LGR5: variants seen among roughly 807,000 people sequenced by gnomAD.
The protein encoded by LGR5 is leucine rich repeat containing G protein-coupled receptor 5.
A neutral mutation model predicts 76.7 loss-of-function variants in LGR5; 54 were observed. The ratio of observed to expected loss-of-function variants is 0.70; its 90% CI spans 0.57 to 0.88. The LOEUF is 0.88. Among genes scored for constraint, LGR5 ranks in the 40% least tolerant of loss-of-function variants. LGR5 has a pLI of 0.00. For missense variants in LGR5, 1,078 were observed against 1,073.3 expected (o/e 1.00, Z -0.06); for synonymous variants, 406 against 421.9 (o/e 0.96, Z 0.46).
In LGR5 at chr12:71,451,493, T is replaced by C. The variant is rs1361293021; in HGVS notation, c.212+11201T>C. Among the ~76,000 whole-genome samples the C allele has an allele frequency of 2.0e-5, 3 of 152,162 alleles. No individual in the cohort carries two copies. In the East Asian group the frequency reaches 5.8e-4, roughly 29 times the overall value. ...TCACATGTGTTGCCATCTGCTGGGA[T>C]TGCCTTTCTTCTTTTGCTAACCTCT... On this transcript the variant is annotated intron_variant, in intron 1 of 17. Transcript: ENST00000266674.
At chr12:71,552,424 G>A (rs929702596) in intron 4 of LGR5, among the ~76,000 whole-genome samples, 2 of 152,000 alleles carry the variant, frequency 1.3e-5, no homozygotes, top group African/African-American at 4.8e-5. Context: ...AATTAGCCAG[G>A]TGTGGTGGCA....
At chr12:71,487,640 T>G (rs1296284862) in intron 1 of LGR5, among the ~76,000 whole-genome samples, 1 of 152,200 alleles carries the variant, frequency 6.6e-6, no homozygotes, top group Middle Eastern at 3.2e-3. Flanking sequence ...CTCTAACTCC[T>G]GGCCTCAAGC....
chr12:71,566,047 T>C (rs1878324677), intron 8 of LGR5, among the ~76,000 whole-genome samples: 1 of 152,294 alleles, frequency 6.6e-6, no homozygotes, highest in East Asian at 1.9e-4. Flanking sequence ...AATGATCTGA[T>C]TGCCAGTACT....
chr12:71,459,566 A>G (rs778000448), intron 1 of LGR5, among the ~76,000 whole-genome samples: 11 of 152,002 alleles, frequency 7.2e-5, no homozygotes, highest in Non-Finnish European at 1.3e-4. Context: ...CAACTATTCA[A>G]CTGATATTTG....
Position 71,584,057 on chromosome 12 carries a change from GT to G in LGR5, c.2048del (p.Val683GlufsTer11), listed in dbSNP as rs1309099414. On this transcript the variant is annotated frameshift_variant, in exon 18 of 18. Transcript: ENST00000266674. LOFTEE classifies it low-confidence loss of function (END_TRUNC). Reference protein sequence around the residue: ...ETKAPFSSLKVIILLCALLAL... With the variant: ...ETKAPFSSLKXIILLCALLAL... ...GAAAGCTCCATTTTCTAGCCTGAAA[GT>G]AATCATTTTGCTCTGTGCCCTGCTG... 6.2e-7 allele frequency: 1 copy of G among 1,614,124 alleles called. No individual in the cohort carries two copies. Among genetic ancestry groups the G allele is most frequent in the Non-Finnish European group, 8.5e-7 (1 of 1,180,054 alleles).
At chr12:71,568,979 G>A (rs1878476100) in intron 11 of LGR5, among the ~76,000 whole-genome samples, 1 of 152,146 alleles carries the variant, frequency 6.6e-6, no homozygotes. Context: ...CCCTCATAAG[G>A]TAGCCACAGG....
intron 4 of LGR5, 29 bp downstream of exon 4, chr12:71,535,215 T>C: frequency 7.1e-7 from 1 of 1,415,834 alleles, no homozygotes; most frequent in Non-Finnish European, 1.0e-6. Context: ...GCAAAATATA[T>C]TTAAGATCAA....
intron 3 of LGR5, 93 bp downstream of exon 3, chr12:71,524,570 A>G (rs983926602): frequency 1.0e-5 from 8 of 769,884 alleles, no homozygotes; most frequent in Admixed American, 2.2e-5. Context: ...CTAATACACT[A>G]TTTAAATCCA....
At position 71,440,117 on chromosome 12, in the gene LGR5, C is replaced by T. The variant is rs770233037; in HGVS notation, c.37C>T (p.Pro13Ser). ...CCGGCTCGGTGTGCTCCTGTCCTTGCCTGTGCTGCTGCAGCTGGCGACCGG... is the reference window on the plus strand; with the variant it reads ...CCGGCTCGGTGTGCTCCTGTCCTTGTCTGTGCTGCTGCAGCTGGCGACCGG... ...TSRLGVLLSL[P>S]VLLQLATGGS... The change falls in exon 1 of 18, where the codon CCT (proline) becomes TCT (serine). Residue 13 changes from proline (P) to serine (S), a missense_variant. Transcript: ENST00000266674. The surrounding 1 kb of genome is among the most constrained non-coding windows in gnomAD (Gnocchi z 5.3). 6.2e-7 allele frequency: 1 copy of T among 1,607,252 alleles called. No homozygotes were observed. Among genetic ancestry groups the T allele is most frequent in the Non-Finnish European group, 8.5e-7 (1 of 1,179,842 alleles).
intron 1 of LGR5, among the ~76,000 whole-genome samples, chr12:71,478,300 G>C (rs576957821): frequency 1.0e-3 from 159 of 152,252 alleles, no homozygotes; most frequent in African/African-American, 3.7e-3. Flanking sequence ...AATGTTCTAT[G>C]GCAGACGTTA....
intron 11 of LGR5, among the ~76,000 whole-genome samples, chr12:71,570,506 C>T (rs1410952512): frequency 1.3e-5 from 2 of 151,936 alleles, no homozygotes; most frequent in Non-Finnish European, 2.9e-5. Flanking sequence ...TATGTGTGTC[C>T]ATTTTATTAT....
chr12:71,501,832 G>A (rs1285044533), intron 1 of LGR5, among the ~76,000 whole-genome samples: 4 of 152,102 alleles, frequency 2.6e-5, no homozygotes, highest in East Asian at 1.9e-4. Context: ...GTCTTTCACC[G>A]TGGATAGTTT....
chr12:71,571,347 G>A (rs1878600931), intron 11 of LGR5, 167 bp from the exon 12 acceptor site: 4 of 500,368 alleles, frequency 8.0e-6, no homozygotes, highest in Non-Finnish European at 1.4e-5. Flanking sequence ...GAATCTACTG[G>A]TTAATCCAAT....
chr12:71,565,421 GCT>G (rs377267673), intron 8 of LGR5, among the ~76,000 whole-genome samples: 131,621 of 144,178 alleles, frequency 0.91, 60,373 homozygotes, highest in East Asian at 1. Context: ...GATCAATTGA[GCT>G]ATATATATAT....
In LGR5 at chr12:71,564,983, GTA is replaced by G. The variant is rs141550469; in HGVS notation, c.858-1410_858-1409del. Among the ~76,000 whole-genome samples the G allele has an allele frequency of 3.1e-4, 47 of 150,056 alleles. No homozygotes were observed. The East Asian group carries it at 7.8e-3, about 25-fold the overall frequency. ...TACGTATGTGTGTATATATACGTGTGTATATATATATACGTACATGTATGTGA... is the reference window on the plus strand; with the variant it reads ...TACGTATGTGTGTATATATACGTGTGTATATATATACGTACATGTATGTGA... On this transcript the variant is annotated intron_variant, in intron 8 of 17. Coordinates refer to ENST00000266674, the MANE Select transcript of LGR5 (RefSeq NM_003667.4).
At chr12:71,545,183 C>G (rs758507207) in intron 4 of LGR5, among the ~76,000 whole-genome samples, 2 of 152,150 alleles carry the variant, frequency 1.3e-5, no homozygotes, top group Non-Finnish European at 2.9e-5. Context: ...CAGTGGCTCA[C>G]CCCTGTAGTC....
At chr12:71,561,490 CTCT>C (rs1024394154) in intron 7 of LGR5, among the ~76,000 whole-genome samples, 2 of 152,182 alleles carry the variant, frequency 1.3e-5, no homozygotes, top group African/African-American at 4.8e-5. Context: ...TACAATGATG[CTCT>C]ATTGGATATT....
At chr12:71,544,205 A>G (rs1438804522) in intron 4 of LGR5, among the ~76,000 whole-genome samples, 1 of 151,494 alleles carries the variant, frequency 6.6e-6, no homozygotes, top group Non-Finnish European at 1.5e-5. Context: ...CTGCACTTCA[A>G]TGAACCTGTA....
chr12:71,464,641 A>G (rs953961128), intron 1 of LGR5, among the ~76,000 whole-genome samples: 1 of 152,230 alleles, frequency 6.6e-6, no homozygotes, highest in African/African-American at 2.4e-5. Context: ...TAGAGTAGAC[A>G]GAAGGGAAAT....
Sources: gnomAD v4.1 joint callset for allele counts (sites outside exome capture counted in the v4.1 genomes callset) on GRCh38, gnomAD v4.1.1 for gene constraint, Gnocchi (gnomAD v3.1) non-coding constraint, MANE v1.5 for transcripts, NCBI Gene and HGNC (gene_info 2026-07-23, HGNC 2026-07-21) for gene names.